APBA1: variants seen among roughly 807,000 people sequenced by gnomAD.
APBA1 encodes amyloid-beta A4 precursor protein-binding family A member 1.
Under a neutral mutation model 86.6 loss-of-function variants are expected in APBA1, and 55 were observed. The ratio of observed to expected loss-of-function variants is 0.64; its 90% CI spans 0.51 to 0.80. The LOEUF (loss-of-function observed/expected upper bound fraction) is 0.80. Among genes scored for constraint, APBA1 ranks in the 30% least tolerant of loss-of-function variants. The pLI is 0.00. For synonymous variants in APBA1, 511 were observed against 493.9 expected (o/e 1.03, Z -0.46); for missense variants, 1,090 against 1,183.0 (o/e 0.92, Z 1.15).
At chr9:69,585,251 TA>T (rs1236939897) in intron 1 of APBA1, among the ~76,000 whole-genome samples, 1 of 152,232 alleles carries the variant, frequency 6.6e-6, no homozygotes, top group East Asian at 1.9e-4. Flanking sequence ...CTTAAAATAC[TA>T]AAAGCAGAGG....
rs186416443 is a variant in APBA1 at position 69,631,559 on chromosome 9, T to C, written c.-70+40594A>G. 6.8e-3 allele frequency among the ~76,000 whole-genome samples: 1,035 copies of C among 152,358 alleles called. 6 individuals carry two copies. Among genetic ancestry groups the C allele is most frequent in the African/African-American group, 0.024 (994 of 41,582 alleles). The stretch of plus-strand genomic sequence containing the variant: ...GACCCAGCCATCCCATTACTGGGTG[T>C]ATATCCAAAGGATTATAAATCATGC... On this transcript the variant is annotated intron_variant, in intron 1 of 12. Transcript: ENST00000265381.
intron 5 of APBA1, chr9:69,462,759 A>G (rs1054320060): frequency 6.6e-6 from 1 of 152,222 alleles, no homozygotes; most frequent in Non-Finnish European, 1.5e-5. Context: ...TGCTTCACAC[A>G]CTGGCGGGTC....
intron 1 of APBA1, among the ~76,000 whole-genome samples, chr9:69,630,065 A>T (rs1302945042): frequency 2.5e-4 from 1 of 3,928 alleles, no homozygotes; most frequent in Non-Finnish European, 7.2e-3. Flanking sequence ...GTGCTATATT[A>T]AAAAAAAAAA....
At chr9:69,432,913 G>A (rs370148633) in intron 11 of APBA1, among the ~76,000 whole-genome samples, 3 of 152,078 alleles carry the variant, frequency 2.0e-5, no homozygotes, top group African/African-American at 4.8e-5. Context: ...TGGTTTTTAC[G>A]GCACACTGAA....
At chr9:69,638,609 T>C (rs1823225648) in intron 1 of APBA1, among the ~76,000 whole-genome samples, 1 of 152,192 alleles carries the variant, frequency 6.6e-6, no homozygotes, top group Non-Finnish European at 1.5e-5. Flanking sequence ...ATTAAACAGA[T>C]GGTTTGTGTT....
In APBA1 at chr9:69,458,170, T is replaced by C; in HGVS notation, c.1501A>G (p.Lys501Glu). The C allele has an allele frequency of 6.2e-7, 1 of 1,612,572 alleles. No homozygotes were observed. The highest frequency in any genetic ancestry group is 1.7e-4 in the Middle Eastern group (1 of 6,058). The change falls in exon 6 of 13, where the codon AAA (lysine) becomes GAA (glutamate). Residue 501 changes from lysine to glutamate, a missense_variant. Lys to Glu is a moderately conservative substitution (Grantham distance 56, BLOSUM62 1). Around this residue, in one of 6 missense-constraint regions of APBA1, gnomAD observed 76 missense variants for 122.2 expected, o/e 0.62. Coordinates refer to ENST00000265381, the MANE Select transcript of APBA1 (RefSeq NM_001163.4). ...TTGTACTGCACCTTCTTCCTGCTTT[T>C]GGCTAATTTCTGGGCCATCTGCTTA... ...SRIKMAQKLA[K>E]SRKKAPEGES...
rs1321998140 is a variant in APBA1, at chr9:69,669,372, A to AAAAC, written c.-70+2777_-70+2780dup. ...AAACACAATAACAACAAAACAAAAC[A>AAAAC]AAACAACAACAACAAAAAACCTTAA... On this transcript the variant is annotated intron_variant, in intron 1 of 12. Transcript: ENST00000265381. Among the ~76,000 whole-genome samples the AAAAC allele has an allele frequency of 2.6e-5, 4 of 151,880 alleles. No homozygotes were observed. In the East Asian group the frequency reaches 5.8e-4, roughly 22 times the overall value.
Position 69,492,618 on chromosome 9 carries a change from T to G in APBA1, c.1201-16475A>C, listed in dbSNP as rs183705924. On this transcript the variant is annotated intron_variant, in intron 2 of 12. Coordinates refer to ENST00000265381, the MANE Select transcript of APBA1 (RefSeq NM_001163.4). Reference sequence around the variant, plus strand: ...GTATATACAACTGCTGTGTGCAACTTCTGGCATGTCCACTATCTCCCGACC... The same window carrying G: ...GTATATACAACTGCTGTGTGCAACTGCTGGCATGTCCACTATCTCCCGACC... 1.8e-4 allele frequency among the ~76,000 whole-genome samples: 28 copies of G among 152,210 alleles called. No homozygotes were observed. In the East Asian group the frequency reaches 5.0e-3, roughly 27 times the overall value.
chr9:69,658,383 T>C (rs1476360444), intron 1 of APBA1, among the ~76,000 whole-genome samples: 2 of 149,792 alleles, frequency 1.3e-5, no homozygotes, highest in Non-Finnish European at 3.0e-5. Flanking sequence ...TCTCTTTCTC[T>C]CTTTCTTTCT....
At chr9:69,634,488 G>T (rs1034889227) in intron 1 of APBA1, among the ~76,000 whole-genome samples, 1 of 152,158 alleles carries the variant, frequency 6.6e-6, no homozygotes, top group African/African-American at 2.4e-5. Context: ...AACAAGCTCA[G>T]AAAGGCAAAT....
chr9:69,469,668 G>C (rs1835335426), intron 4 of APBA1, among the ~76,000 whole-genome samples: 1 of 152,164 alleles, frequency 6.6e-6, no homozygotes, highest in South Asian at 2.1e-4. Flanking sequence ...ATGGATTCGG[G>C]CTATATATGA....
intron 1 of APBA1, among the ~76,000 whole-genome samples, chr9:69,526,415 T>A (rs1836343719): frequency 6.6e-6 from 1 of 151,982 alleles, no homozygotes; most frequent in African/African-American, 2.4e-5. Flanking sequence ...GGAAAAGACA[T>A]GAACAAACAC....
chr9:69,670,326 T>A (rs1823922370), intron 1 of APBA1, among the ~76,000 whole-genome samples: 1 of 152,116 alleles, frequency 6.6e-6, no homozygotes, highest in African/African-American at 2.4e-5. Context: ...AAAACAAAAA[T>A]TTTAAAAAAG....
intron 6 of APBA1, among the ~76,000 whole-genome samples, 162 bp downstream of exon 6, chr9:69,457,994 T>C (rs1835127312): frequency 6.6e-6 from 1 of 152,176 alleles, no homozygotes; most frequent in South Asian, 2.1e-4. Context: ...CTTCGGCAAC[T>C]GAGTTTTGAG....
At chr9:69,511,977 G>T (rs1188077011) in intron 2 of APBA1, among the ~76,000 whole-genome samples, 48 of 151,900 alleles carry the variant, frequency 3.2e-4, no homozygotes, top group Admixed American at 3.1e-3. Flanking sequence ...AATGCTAGAT[G>T]ACGAGTTAGT....
In APBA1 at chr9:69,516,238, C is replaced by T; in HGVS notation, c.973G>A (p.Ala325Thr). Residue 325 changes from alanine (A) to threonine (T), a missense_variant, in exon 2 of 13, where the codon GCG becomes ACG. Around this residue, in one of 6 missense-constraint regions of APBA1, gnomAD observed 678 missense variants for 647.1 expected, o/e 1.05. Coordinates refer to ENST00000265381, the MANE Select transcript of APBA1 (RefSeq NM_001163.4). The surrounding 1 kb of genome is among the most constrained non-coding windows in gnomAD (Gnocchi z 7.3). ...GLQAPAGQQRAVGPAGGGEAG... is the reference protein window; with the variant it reads ...GLQAPAGQQRTVGPAGGGEAG... ...TCGCCGCCGCCCGCGGGGCCCACCG[C>T]CCGCTGCTGCCCCGCCGGCGCCTGC... 3.6e-6 allele frequency: 5 copies of T among 1,391,796 alleles called. No homozygotes were observed. Among genetic ancestry groups the T allele is most frequent in the Non-Finnish European group, 4.7e-6 (5 of 1,075,212 alleles). The allele number at this position is 1,391,796 out of a possible 1,614,324, so 86.2% of individuals were successfully genotyped here. A position where few individuals can be genotyped will look rare whatever the true frequency, so the allele number is the denominator to read the frequency against.
rs1554696805 is a variant in APBA1 at position 69,522,068 on chromosome 9, T to TACACGC, written c.-69-4790_-69-4789insGCGTGT. ...TCTCACACATACTCACACCATTTTA[T>TACACGC]ACACACACACACACACACATATATA... On this transcript the variant is annotated intron_variant, in intron 1 of 12. Coordinates refer to ENST00000265381, the MANE Select transcript of APBA1 (RefSeq NM_001163.4). Among the ~76,000 whole-genome samples the TACACGC allele has an allele frequency of 2.4e-3, 363 of 149,546 alleles. 2 individuals carry two copies. The highest frequency in any genetic ancestry group is 4.2e-3 in the Non-Finnish European group (287 of 67,548).
intron 11 of APBA1, 86 bp downstream of exon 11, chr9:69,440,910 T>C (rs1834808758): frequency 6.6e-7 from 1 of 1,510,860 alleles, no homozygotes; most frequent in Non-Finnish European, 9.0e-7. Flanking sequence ...TGTTCCTATT[T>C]AGCCATCTTG....
intron 6 of APBA1, 77 bp from the exon 7 acceptor site, chr9:69,457,216 C>A: frequency 9.5e-7 from 1 of 1,055,654 alleles, no homozygotes; most frequent in South Asian, 1.3e-5. Flanking sequence ...AAGGTTAGCT[C>A]ACACAGAGGC....
Sources: allele counts gnomAD v4.1 joint callset (sites outside exome capture counted in the v4.1 genomes callset), GRCh38; gene constraint gnomAD v4.1.1; regional missense constraint gnomAD v4.1.1; non-coding constraint Gnocchi (gnomAD v3.1); transcripts MANE v1.5; gene names NCBI Gene and HGNC (gene_info 2026-07-23, HGNC 2026-07-21).